Variants in OTOF observed in about 807,000 individuals in gnomAD.
OTOF encodes otoferlin, also known as fer-1-like family member 2.
OTOF carries 218 observed loss-of-function variants against 236.8 expected under a neutral mutation model. The ratio of observed to expected loss-of-function variants is 0.92; its 90% confidence interval spans 0.82 to 1.03. The LOEUF is 1.03. OTOF is among the 50% of genes least tolerant of loss of function. The pLI, the probability that OTOF is intolerant of heterozygous loss-of-function variation, is 0.00. For missense variants in OTOF, 2,590 were observed against 2,694.4 expected, an observed-to-expected ratio of 0.96 and a Z score of 0.86; for synonymous variants, 1,041 against 1,072.5, an observed-to-expected ratio of 0.97 and a Z score of 0.57.
chr2:26,540,743 G>A (rs188284735), intron 1 of OTOF, among the ~76,000 whole-genome samples: 6 of 152,136 alleles, frequency 3.9e-5, no homozygotes, highest in African/African-American at 1.2e-4. Context: ...GTTTTGGGGC[G>A]GGGGCAGGTG....
intron 1 of OTOF, among the ~76,000 whole-genome samples, chr2:26,552,338 T>G (rs1667482480): frequency 1.3e-5 from 2 of 152,094 alleles, no homozygotes. Flanking sequence ...TGCAGTGAAC[T>G]ATGATTGTGC....
chr2:26,507,337 A>C (rs1252810890), intron 5 of OTOF, among the ~76,000 whole-genome samples: 1 of 152,228 alleles, frequency 6.6e-6, no homozygotes, highest in African/African-American at 2.4e-5. Flanking sequence ...TCAGTAACAC[A>C]TCAGAAGTTC....
intron 6 of OTOF, among the ~76,000 whole-genome samples, chr2:26,503,211 TCC>T (rs1666163274): frequency 6.6e-6 from 1 of 152,204 alleles, no homozygotes; most frequent in Non-Finnish European, 1.5e-5. Context: ...TCTCCATTTC[TCC>T]CCTTGTCTTC....
At position 26,477,875 on chromosome 2, in the gene OTOF, C is replaced by G; in HGVS notation, c.2215-126G>C. The G allele has an allele frequency of 6.4e-7, 1 of 1,550,854 alleles. No individual in the cohort carries two copies. The highest frequency in any genetic ancestry group is 8.7e-7 in the Non-Finnish European group (1 of 1,147,012). The stretch of plus-strand genomic sequence containing the variant: ...ATCTGGGAGCTCTCGCTAGGGCCAT[C>G]CTGAGTATCGGTCATCATGAGGAAG... On this transcript the variant is annotated intron_variant, in intron 18 of 46. Transcript: ENST00000272371. The surrounding 1 kb of genome is among the most constrained non-coding windows in gnomAD (Gnocchi z 4.7).
chr2:26,471,621 T>C (rs1231593072), intron 30 of OTOF, among the ~76,000 whole-genome samples: 1 of 152,208 alleles, frequency 6.6e-6, no homozygotes, highest in Non-Finnish European at 1.5e-5. Flanking sequence ...GATGATCTCA[T>C]AAGGAATCAT....
intron 2 of OTOF, among the ~76,000 whole-genome samples, chr2:26,533,570 T>G (rs763373585): frequency 1.8e-4 from 27 of 152,174 alleles, no homozygotes; most frequent in Non-Finnish European, 3.7e-4. Context: ...TTTCTTCAAC[T>G]GCAAGACAAG....
At position 26,460,471 on chromosome 2, in the gene OTOF, ATCC is replaced by A; in HGVS notation, c.5813+173_5813+175del. ...TCCTGCTCTCCAGTATTCCTAGCCCATCCTCTGGTTCAAAGGGACGTTGTGGGA... is the reference window on the plus strand; with the variant it reads ...TCCTGCTCTCCAGTATTCCTAGCCCATCTGGTTCAAAGGGACGTTGTGGGA... On this transcript the variant is annotated intron_variant, in intron 45 of 46. Transcript: ENST00000272371. The surrounding 1 kb of genome is among the most constrained non-coding windows in gnomAD (Gnocchi z 5.3). Among the ~76,000 whole-genome samples the A allele has an allele frequency of 6.6e-6, 1 of 152,318 alleles. No individual in the cohort carries two copies. Among genetic ancestry groups the A allele is most frequent in the East Asian group, 1.9e-4 (1 of 5,174 alleles).
At position 26,553,216 on chromosome 2, in the gene OTOF, T is replaced by C. The variant is rs1667505850; in HGVS notation, c.79+5277A>G. On this transcript the variant is annotated intron_variant, in intron 1 of 46. Coordinates refer to ENST00000272371, the MANE Select transcript of OTOF (RefSeq NM_194248.3). ...CTCCCTCCCTAGCTGGTCTCCCTCTTCTACTTCCTATAGCCTCTGCTCCAG... is the reference window on the plus strand; with the variant it reads ...CTCCCTCCCTAGCTGGTCTCCCTCTCCTACTTCCTATAGCCTCTGCTCCAG... Among the ~76,000 whole-genome samples the C allele has an allele frequency of 3.9e-5, 6 of 152,094 alleles. No homozygotes were observed. In the South Asian group the frequency reaches 1.2e-3, roughly 32 times the overall value.
intron 1 of OTOF, among the ~76,000 whole-genome samples, chr2:26,552,898 T>C (rs371584995): frequency 6.6e-5 from 10 of 152,106 alleles, no homozygotes; most frequent in African/African-American, 2.4e-4. Context: ...CCTCACATTC[T>C]CCAAGAGAGG....
chr2:26,516,115 G>A (rs1433843698), intron 5 of OTOF, among the ~76,000 whole-genome samples: 1 of 152,210 alleles, frequency 6.6e-6, no homozygotes, highest in Non-Finnish European at 1.5e-5. Flanking sequence ...CCCCTTCTCT[G>A]AGAAAGGCAG....
chr2:26,547,913 A>G, intron 1 of OTOF, among the ~76,000 whole-genome samples: 1 of 152,236 alleles, frequency 6.6e-6, no homozygotes, highest in East Asian at 1.9e-4. Flanking sequence ...TCTTTGTGGA[A>G]GGAAGTTTAT....
Position 26,461,091 on chromosome 2 carries a change from G to C in OTOF, c.5534-61C>G. 9.4e-7 allele frequency: 1 copy of C among 1,064,970 alleles called. No individual in the cohort carries two copies. The highest frequency in any genetic ancestry group is 1.4e-6 in the Non-Finnish European group (1 of 715,478). 66.0% of individuals were successfully genotyped at this position (1,064,970 alleles called of 1,614,324 possible). A position where few individuals can be genotyped will look rare whatever the true frequency, so the allele number is the denominator to read the frequency against. On this transcript the variant is annotated intron_variant, in intron 43 of 46. Coordinates refer to ENST00000272371, the MANE Select transcript of OTOF (RefSeq NM_194248.3). The surrounding 1 kb of genome is among the most constrained non-coding windows in gnomAD (Gnocchi z 6.2). The stretch of plus-strand genomic sequence containing the variant: ...GGCTGGGGTGGGGCGGGGTGGGGGT[G>C]GGGGTCTGGGCTCCTCGGCCCCTTG...
At chr2:26,469,851 G>C (rs1314373876) in intron 32 of OTOF, among the ~76,000 whole-genome samples, 1 of 152,222 alleles carries the variant, frequency 6.6e-6, no homozygotes, top group African/African-American at 2.4e-5. Context: ...GATGTGGCTG[G>C]ATCAGCTCTG....
At chr2:26,475,206 G>GC (rs1665192631) in intron 25 of OTOF, among the ~76,000 whole-genome samples, 153 bp downstream of exon 25, 1 of 152,120 alleles carries the variant, frequency 6.6e-6, no homozygotes, top group African/African-American at 2.4e-5. Context: ...CTAGATGTCA[G>GC]CCCCCACTCC....
chr2:26,507,807 A>G (rs1666286315), intron 5 of OTOF, among the ~76,000 whole-genome samples: 1 of 152,206 alleles, frequency 6.6e-6, no homozygotes, highest in Admixed American at 6.5e-5. Flanking sequence ...CATGGTCAGA[A>G]TGAAATGCAC....
At chr2:26,515,672 G>GACT (rs1666505911) in intron 5 of OTOF, among the ~76,000 whole-genome samples, 2 of 152,118 alleles carry the variant, frequency 1.3e-5, no homozygotes, top group African/African-American at 4.8e-5. Context: ...ACACACCCTG[G>GACT]TCCTTCAGAT....
intron 16 of OTOF, 110 bp downstream of exon 16, chr2:26,480,093 G>A (rs556794312): frequency 2.2e-5 from 17 of 758,998 alleles, no homozygotes; most frequent in Non-Finnish European, 4.1e-5. Context: ...CAAGAGTGAG[G>A]ACAGGGCTGA....
chr2:26,503,392 T>C (rs1001925261), intron 6 of OTOF, among the ~76,000 whole-genome samples: 28 of 152,326 alleles, frequency 1.8e-4, no homozygotes, highest in African/African-American at 6.7e-4. Context: ...TGAGAGCGCT[T>C]GGGCGAGGCC....
At position 26,503,667 on chromosome 2, in the gene OTOF, C is replaced by T. The variant is rs1404736617; in HGVS notation, c.583+105G>A. 6.2e-6 allele frequency: 6 copies of T among 967,642 alleles called. No homozygotes were observed. In the Admixed American group the frequency reaches 8.6e-5, roughly 14 times the overall value. 59.9% of individuals were successfully genotyped at this position (967,642 alleles called of 1,614,324 possible). On this transcript the variant is annotated intron_variant, in intron 6 of 46. Transcript: ENST00000272371. The stretch of plus-strand genomic sequence containing the variant: ...CACTGGGTGGGGCCTGGCCCTGGGA[C>T]GACCTATCCCAGGAGGGCCTTTTGG...
Sources: gnomAD v4.1 joint callset for allele counts (sites outside exome capture counted in the v4.1 genomes callset) on GRCh38, gnomAD v4.1.1 for gene constraint, Gnocchi (gnomAD v3.1) non-coding constraint, MANE v1.5 for transcripts, NCBI Gene and HGNC (gene_info 2026-07-23, HGNC 2026-07-21) for gene names.